FGF14: variants seen among roughly 807,000 people sequenced by gnomAD.
The protein encoded by FGF14 is fibroblast growth factor homologous factor 4.
In FGF14, 5 loss-of-function variants were observed where a neutral mutation model predicts 25.5. The ratio of observed to expected loss-of-function variants is 0.20; its 90% CI spans 0.10 to 0.41. FGF14 has a LOEUF of 0.41. Ranked by LOEUF, FGF14 falls within the 10% of genes least tolerant of loss-of-function variation. The probability of loss-of-function intolerance (pLI) is 1.00; values close to 1 mark genes in which losing one functional copy is unlikely to be tolerated. For missense variants in FGF14, 222 were observed against 320.1 expected, an observed-to-expected ratio of 0.69 and a Z score of 2.34; for synonymous variants, 138 against 118.3, an observed-to-expected ratio of 1.17 and a Z score of -1.08.
intron 1 of FGF14, among the ~76,000 whole-genome samples, chr13:102,180,146 T>C (rs964705099): frequency 6.6e-6 from 1 of 152,170 alleles, no homozygotes; most frequent in African/African-American, 2.4e-5. Flanking sequence ...CAGTTAAATG[T>C]CACAGATATA....
chr13:102,177,751 C>T (rs528208376), intron 1 of FGF14, among the ~76,000 whole-genome samples: 41 of 151,246 alleles, frequency 2.7e-4, no homozygotes, highest in Admixed American at 1.8e-3. Context: ...CTATTTAAGG[C>T]AAGTGTGACA....
intron 1 of FGF14, among the ~76,000 whole-genome samples, chr13:102,358,885 CACT>C (rs1197580780): frequency 6.6e-6 from 1 of 152,122 alleles, no homozygotes. Flanking sequence ...TGTGCATCAC[CACT>C]ATTCATAATA....
At chr13:102,188,309 C>CAG (rs1303235286) in intron 1 of FGF14, among the ~76,000 whole-genome samples, 3 of 152,040 alleles carry the variant, frequency 2.0e-5, no homozygotes, top group African/African-American at 7.2e-5. Context: ...CAGATAATGA[C>CAG]AGAGAGAGAC....
intron 1 of FGF14, among the ~76,000 whole-genome samples, chr13:102,283,410 T>C (rs545843184): frequency 6.6e-6 from 1 of 152,190 alleles, no homozygotes; most frequent in Admixed American, 6.5e-5. Flanking sequence ...CAGAACCCCT[T>C]CTGGTACATG....
At chr13:101,805,586 T>C (rs1005103170) in intron 3 of FGF14, among the ~76,000 whole-genome samples, 2 of 152,152 alleles carry the variant, frequency 1.3e-5, no homozygotes, top group Non-Finnish European at 2.9e-5. Flanking sequence ...ACAGAGAAGT[T>C]AAAGATTTGT....
intron 3 of FGF14, among the ~76,000 whole-genome samples, chr13:101,830,921 C>T (rs938026872): frequency 1.3e-5 from 2 of 152,046 alleles, no homozygotes; most frequent in African/African-American, 2.4e-5. Context: ...AAATGGCAGC[C>T]AAATACCATT....
intron 1 of FGF14, among the ~76,000 whole-genome samples, chr13:102,111,936 C>A (rs1252022838): frequency 2.0e-5 from 3 of 152,100 alleles, no homozygotes; most frequent in Non-Finnish European, 4.4e-5. Flanking sequence ...AGTTCCTATA[C>A]TTTTTAAAAT....
intron 1 of FGF14, among the ~76,000 whole-genome samples, chr13:102,155,670 A>G (rs1056692046): frequency 3.3e-5 from 5 of 152,208 alleles, no homozygotes; most frequent in African/African-American, 1.2e-4. Context: ...ATCAGAGCAG[A>G]ACTGAAGGAG....
intron 1 of FGF14, among the ~76,000 whole-genome samples, chr13:101,908,531 T>C (rs926166111): frequency 1.3e-5 from 2 of 152,024 alleles, no homozygotes; most frequent in South Asian, 4.1e-4. Flanking sequence ...CATTAATAAT[T>C]ATCCAATTAT....
At chr13:102,280,546 A>G (rs1195554817) in intron 1 of FGF14, among the ~76,000 whole-genome samples, 1 of 152,190 alleles carries the variant, frequency 6.6e-6, no homozygotes, top group African/African-American at 2.4e-5. Context: ...CATGTGGAAA[A>G]GGAGGTCAAT....
Position 101,797,772 on chromosome 13 carries a change from T to TGTGTGTGTGTGTGTGTGTGTGTGTGTGC in FGF14, c.408+70952_408+70953insGCACACACACACACACACACACACACAC, listed in dbSNP as rs1555384576. 4.1e-5 allele frequency among the ~76,000 whole-genome samples: 6 copies of TGTGTGTGTGTGTGTGTGTGTGTGTGTGC among 145,668 alleles called. No individual in the cohort carries two copies. The East Asian group carries it at 1.3e-3, about 30-fold the overall frequency. ...GTGTGTGTGTGTGTGTGTGTGTGTGTGTGTGTGTGTTCAACCTCAGTAGAA... is the reference window on the plus strand; with the variant it reads ...GTGTGTGTGTGTGTGTGTGTGTGTGTGTGTGTGTGTGTGTGTGTGTGTGTGTGCGTGTGTGTGTTCAACCTCAGTAGAA... On this transcript the variant is annotated intron_variant, in intron 3 of 4. Coordinates refer to ENST00000376143, the MANE Select transcript of FGF14 (RefSeq NM_004115.4).
intron 1 of FGF14, among the ~76,000 whole-genome samples, chr13:102,278,637 T>G (rs1410520130): frequency 6.7e-6 from 1 of 150,144 alleles, no homozygotes; most frequent in Non-Finnish European, 1.5e-5. Flanking sequence ...AATATATATA[T>G]ATATATATAC....
intron 1 of FGF14, among the ~76,000 whole-genome samples, chr13:102,252,337 C>T (rs2052221814): frequency 6.6e-6 from 1 of 152,152 alleles, no homozygotes; most frequent in South Asian, 2.1e-4. Context: ...AACTGCTGTA[C>T]AACTTTGCTA....
At chr13:102,119,292 C>T (rs1423776679) in intron 1 of FGF14, among the ~76,000 whole-genome samples, 1 of 152,168 alleles carries the variant, frequency 6.6e-6, no homozygotes, top group Non-Finnish European at 1.5e-5. Context: ...AACACAGGTA[C>T]TCTACAAGAC....
intron 1 of FGF14, among the ~76,000 whole-genome samples, chr13:101,967,192 T>G (rs1011837117): frequency 2.0e-5 from 3 of 152,216 alleles, no homozygotes; most frequent in African/African-American, 7.2e-5. Context: ...TTTTCAAGGC[T>G]CATCCCAAAC....
intron 1 of FGF14, among the ~76,000 whole-genome samples, chr13:102,064,244 T>C (rs1452892953): frequency 6.6e-6 from 1 of 152,072 alleles, no homozygotes; most frequent in African/African-American, 2.4e-5. Flanking sequence ...GCTGGTACTT[T>C]AGTTCTTCAC....
At chr13:101,909,211 C>T (rs1181065117) in intron 1 of FGF14, among the ~76,000 whole-genome samples, 2 of 152,142 alleles carry the variant, frequency 1.3e-5, no homozygotes, top group African/African-American at 4.8e-5. Context: ...ACACCAAAAG[C>T]AATGGCAACA....
intron 3 of FGF14, among the ~76,000 whole-genome samples, chr13:101,815,122 G>T (rs56950837): frequency 6.6e-6 from 1 of 152,298 alleles, no homozygotes; most frequent in South Asian, 2.1e-4. Context: ...GAAGAATGAC[G>T]TTCCTACTAG....
At chr13:102,092,778 A>G (rs894362778) in intron 1 of FGF14, among the ~76,000 whole-genome samples, 6 of 152,214 alleles carry the variant, frequency 3.9e-5, no homozygotes, top group African/African-American at 1.4e-4. Context: ...CACAATTATC[A>G]GTCTAGTTAC....
Sources: allele counts gnomAD v4.1 joint callset (sites outside exome capture counted in the v4.1 genomes callset), GRCh38; gene constraint gnomAD v4.1.1; transcripts MANE v1.5; gene names NCBI Gene and HGNC (gene_info 2026-07-23, HGNC 2026-07-21).